TRAPPC5: variants seen among roughly 807,000 people sequenced by gnomAD.
The protein encoded by TRAPPC5 is trafficking protein particle complex subunit 5, also known as trafficking protein particle complex 5.
A neutral mutation model predicts 9.8 loss-of-function variants in TRAPPC5; 5 were observed. The ratio of observed to expected loss-of-function variants is 0.51; its 90% CI spans 0.27 to 1.07. TRAPPC5 has a LOEUF of 1.07. TRAPPC5 is among the 50% of genes least tolerant of loss of function. TRAPPC5 has a pLI of 0.12. For missense variants in TRAPPC5, 243 were observed against 291.5 expected, an observed-to-expected ratio of 0.83 and a Z score of 1.21; for synonymous variants, 146 against 140.7, an observed-to-expected ratio of 1.04 and a Z score of -0.26.
chr19:7,682,660 C>T lies in TRAPPC5; in HGVS notation c.407C>T (p.Thr136Met), dbSNP rs766481656. The T allele has an allele frequency of 3.1e-6, 5 of 1,613,806 alleles. No homozygotes were observed. Among genetic ancestry groups the T allele is most frequent in the East Asian group, 4.5e-5 (2 of 44,890 alleles). ...ATCTCCGTGCCCAAGGAGAACAGCACGCTCAACTGCGCCAGCTTCACGGCG... is the reference window on the plus strand; with the variant it reads ...ATCTCCGTGCCCAAGGAGAACAGCATGCTCAACTGCGCCAGCTTCACGGCG... The part of the protein sequence containing the change: ...TYISVPKENS[T>M]LNCASFTAGI... The change falls in exon 2 of 2, where the codon ACG becomes ATG. Residue 136 changes from threonine to methionine, a missense_variant. Thr to Met is a moderately conservative substitution (Grantham distance 81). Around this residue, in one of 2 missense-constraint regions of TRAPPC5, gnomAD observed 154 missense variants for 215.8 expected, o/e 0.71. Transcript: ENST00000596148. This position sits in a 1 kb window ranked among gnomAD's most constrained non-coding sequence, Gnocchi z 8.6.
Position 7,687,294 on chromosome 19 carries a change from G to C in TRAPPC5, c.*4474G>C, listed in dbSNP as rs1639374686. ...AAAGGGAAGAGGTGCAATGACCCCA[G>C]TGTTGGCCTGAGCCACTGGTAGAGG... is the stretch of plus-strand genomic sequence containing the variant. On this transcript the variant is annotated 3_prime_UTR_variant, in exon 2 of 2. Coordinates refer to ENST00000596148, the MANE Select transcript of TRAPPC5 (RefSeq NM_001042462.2). The C allele has an allele frequency of 6.6e-6, 1 of 152,510 alleles. No individual in the cohort carries two copies. The highest frequency in any genetic ancestry group is 6.5e-5 in the Admixed American group (1 of 15,280). 9.4% of individuals were successfully genotyped at this position (152,510 alleles called of 1,614,324 possible). A position where few individuals can be genotyped will look rare whatever the true frequency, so the allele number is the denominator to read the frequency against.
chr19:7,682,128 A>T lies in TRAPPC5; in HGVS notation c.-12-114A>T. 1 of 847,694 alleles carries T rather than the reference A, an allele frequency of 1.2e-6. No individual in the cohort carries two copies. The highest frequency in any genetic ancestry group is 1.7e-6 in the Non-Finnish European group (1 of 597,938). 52.5% of individuals were successfully genotyped at this position (847,694 alleles called of 1,614,324 possible). A position where few individuals can be genotyped will look rare whatever the true frequency, so the allele number is the denominator to read the frequency against. On this transcript the variant is annotated intron_variant, in intron 1 of 1. Transcript: ENST00000596148. This position sits in a 1 kb window ranked among gnomAD's most constrained non-coding sequence, Gnocchi z 8.6. ...TGGGAAGTCGGCACTGGAGCACACA[A>T]CAGTGGCATGGGTCGAGGGTGTCCC...
In TRAPPC5 at chr19:7,682,906, T is replaced by C; in HGVS notation, c.*86T>C. ...GCGGCCTTAGATCCACTCAGTACCT[T>C]GAGCCACAGCCCTGCCCCAGGCTGG... On this transcript the variant is annotated 3_prime_UTR_variant, in exon 2 of 2. Transcript: ENST00000596148. This position sits in a 1 kb window ranked among gnomAD's most constrained non-coding sequence, Gnocchi z 8.6. The C allele has an allele frequency of 1.4e-6, 2 of 1,405,032 alleles. No homozygotes were observed. The highest frequency in any genetic ancestry group is 1.9e-6 in the Non-Finnish European group (2 of 1,043,310). The allele number at this position is 1,405,032 out of a possible 1,614,324, so 87.0% of individuals were successfully genotyped here.
In TRAPPC5 at chr19:7,682,332, A is replaced by G; in HGVS notation, c.79A>G (p.Ser27Gly). 1 of 1,543,232 alleles carries G rather than the reference A, an allele frequency of 6.5e-7. No homozygotes were observed. The highest frequency in any genetic ancestry group is 8.7e-7 in the Non-Finnish European group (1 of 1,148,480). The change falls in exon 2 of 2, where the codon AGC becomes GGC. Residue 27 changes from serine to glycine, a missense_variant. Physicochemically the swap from Ser to Gly is moderately conservative, Grantham distance 56 (BLOSUM62 0). Transcript: ENST00000596148. This position sits in a 1 kb window ranked among gnomAD's most constrained non-coding sequence, Gnocchi z 8.6. ...LARPRTEVSL[S>G]AFALLFSELV... ...GCGGCCGCGCACCGAGGTGAGCCTG[A>G]GCGCCTTCGCACTGCTGTTCTCCGA...
In TRAPPC5 at chr19:7,681,628, C is replaced by G. The variant is rs573154810; in HGVS notation, c.-12-614C>G. Among the ~76,000 whole-genome samples the G allele has an allele frequency of 1.4e-3, 214 of 152,012 alleles. No individual in the cohort carries two copies. Among genetic ancestry groups the G allele is most frequent in the African/African-American group, 4.9e-3 (204 of 41,462 alleles). ...CCCCTCCTGCCTGGCCCCACGGATC[C>G]CCCCTGTTAAAGCCCCCAACCCTCC... On this transcript the variant is annotated intron_variant, in intron 1 of 1. Coordinates refer to ENST00000596148, the MANE Select transcript of TRAPPC5 (RefSeq NM_001042462.2). This position sits in a 1 kb window ranked among gnomAD's most constrained non-coding sequence, Gnocchi z 8.7.
rs1457706747 is a variant in TRAPPC5 at position 7,681,252 on chromosome 19, C to T, written c.-13+374C>T. Reference sequence around the variant, plus strand: ...TCCCCGCTGGTTCTCCCACCTCCCACGCAGACCTCGTTGGGGTCGGCTTAG... The same window carrying T: ...TCCCCGCTGGTTCTCCCACCTCCCATGCAGACCTCGTTGGGGTCGGCTTAG... On this transcript the variant is annotated intron_variant, in intron 1 of 1. Transcript: ENST00000596148. The surrounding 1 kb of genome is among the most constrained non-coding windows in gnomAD (Gnocchi z 8.7). Among the ~76,000 whole-genome samples, 2 of 152,050 alleles carry T rather than the reference C, an allele frequency of 1.3e-5. No homozygotes were observed. Among genetic ancestry groups the T allele is most frequent in the Non-Finnish European group, 2.9e-5 (2 of 67,986 alleles).
rs928563315 is a variant in TRAPPC5, at chr19:7,680,895, C to G, written c.-13+17C>G. 2 of 152,238 alleles carry G rather than the reference C, an allele frequency of 1.3e-5. No homozygotes were observed. Among genetic ancestry groups the G allele is most frequent in the Admixed American group, 6.5e-5 (1 of 15,278 alleles). 9.4% of individuals were successfully genotyped at this position (152,238 alleles called of 1,614,324 possible). On this transcript the variant is annotated intron_variant, in intron 1 of 1. Coordinates refer to ENST00000596148, the MANE Select transcript of TRAPPC5 (RefSeq NM_001042462.2). ...CGGTTCCTGGTGAGACCCTACCCAC[C>G]CCCCTGCCCGCGCCGGGCCTCGTCC... is the stretch of plus-strand genomic sequence containing the variant.
rs1489780583 is a variant in TRAPPC5, at chr19:7,687,686, A to G, written c.*4866A>G. The G allele has an allele frequency of 6.6e-6, 1 of 151,910 alleles. No individual in the cohort carries two copies. The highest frequency in any genetic ancestry group is 2.4e-5 in the African/African-American group (1 of 41,326). 9.4% of individuals were successfully genotyped at this position (151,910 alleles called of 1,614,324 possible). ...TGTCATAGAGCAGGAAAAAATAAAA[A>G]CGGGAGATCGAATTCTACTTCAGTT... On this transcript the variant is annotated 3_prime_UTR_variant, in exon 2 of 2. Coordinates refer to ENST00000596148, the MANE Select transcript of TRAPPC5 (RefSeq NM_001042462.2).
Position 7,686,334 on chromosome 19 carries a change from C to T in TRAPPC5, c.*3514C>T, listed in dbSNP as rs1341554545. The T allele has an allele frequency of 6.6e-6, 1 of 152,342 alleles. No homozygotes were observed. The highest frequency in any genetic ancestry group is 2.4e-5 in the African/African-American group (1 of 41,388). The allele number at this position is 152,342 out of a possible 1,614,324, so 9.4% of individuals were successfully genotyped here. ...TCGGCAGCTTCTGATCACAGCAGCT[C>T]TAACTTACGGTGCTCTGGGCTGCAA... On this transcript the variant is annotated 3_prime_UTR_variant, in exon 2 of 2. Transcript: ENST00000596148.
rs946595700 is a variant in TRAPPC5 at position 7,683,459 on chromosome 19, A to G, written c.*639A>G. The G allele has an allele frequency of 6.6e-6, 1 of 152,228 alleles. No individual in the cohort carries two copies. Among genetic ancestry groups the G allele is most frequent in the Non-Finnish European group, 1.5e-5 (1 of 68,326 alleles). The allele number at this position is 152,228 out of a possible 1,614,324, so 9.4% of individuals were successfully genotyped here. ...GGTCTCGAACTCCTCATCTCAGGTGATCCGCCCACTTCAGCCTCCCAAAGT... is the reference window on the plus strand; with the variant it reads ...GGTCTCGAACTCCTCATCTCAGGTGGTCCGCCCACTTCAGCCTCCCAAAGT... On this transcript the variant is annotated 3_prime_UTR_variant, in exon 2 of 2. Coordinates refer to ENST00000596148, the MANE Select transcript of TRAPPC5 (RefSeq NM_001042462.2).
chr19:7,682,388 C>G lies in TRAPPC5; in HGVS notation c.135C>G (p.Phe45Leu). The G allele has an allele frequency of 6.4e-7, 1 of 1,574,382 alleles. No homozygotes were observed. Among genetic ancestry groups the G allele is most frequent in the East Asian group, 2.3e-5 (1 of 42,646 alleles). ...TACAGCACTGCCAGAGCCGCGTCTT[C>G]TCCGTGGCCGAGCTGCAGTCGCGCC... ...ELVQHCQSRVFSVAELQSRLA... is the reference protein window; with the variant it reads ...ELVQHCQSRVLSVAELQSRLA... Residue 45 changes from phenylalanine to leucine, a missense_variant, in exon 2 of 2, where the codon TTC becomes TTG. Phe to Leu is a conservative substitution (Grantham distance 22). Transcript: ENST00000596148. The surrounding 1 kb of genome is among the most constrained non-coding windows in gnomAD (Gnocchi z 8.6).
At position 7,681,162 on chromosome 19, in the gene TRAPPC5, G is replaced by A. The variant is rs2032629579; in HGVS notation, c.-13+284G>A. 1 of 152,370 alleles carries A rather than the reference G, an allele frequency of 6.6e-6. No individual in the cohort carries two copies. Among genetic ancestry groups the A allele is most frequent in the Non-Finnish European group, 1.5e-5 (1 of 68,216 alleles). 9.4% of individuals were successfully genotyped at this position (152,370 alleles called of 1,614,324 possible). A position where few individuals can be genotyped will look rare whatever the true frequency, so the allele number is the denominator to read the frequency against. On this transcript the variant is annotated intron_variant, in intron 1 of 1. Coordinates refer to ENST00000596148, the MANE Select transcript of TRAPPC5 (RefSeq NM_001042462.2). This position sits in a 1 kb window ranked among gnomAD's most constrained non-coding sequence, Gnocchi z 8.7. Reference sequence around the variant, plus strand: ...ATCCCTCTCCCATCTCGCGCGCCCAGGGCCCTCGCCACGGACGGATCTGCA... The same window carrying A: ...ATCCCTCTCCCATCTCGCGCGCCCAAGGCCCTCGCCACGGACGGATCTGCA...
At position 7,682,207 on chromosome 19, in the gene TRAPPC5, G is replaced by T; in HGVS notation, c.-12-35G>T. 1 of 1,367,276 alleles carries T rather than the reference G, an allele frequency of 7.3e-7. No individual in the cohort carries two copies. Among genetic ancestry groups the T allele is most frequent in the South Asian group, 1.7e-5 (1 of 59,004 alleles). The allele number at this position is 1,367,276 out of a possible 1,614,324, so 84.7% of individuals were successfully genotyped here. On this transcript the variant is annotated intron_variant, in intron 1 of 1. Coordinates refer to ENST00000596148, the MANE Select transcript of TRAPPC5 (RefSeq NM_001042462.2). This position sits in a 1 kb window ranked among gnomAD's most constrained non-coding sequence, Gnocchi z 8.6. ...CTCCCGGCCTGCTCCCCTTCCCATT[G>T]CCCCTGACACCTGCACTTCCTGGTC...
At position 7,683,087 on chromosome 19, in the gene TRAPPC5, G is replaced by A. The variant is rs2032672035; in HGVS notation, c.*267G>A. 5.8e-6 allele frequency: 3 copies of A among 516,872 alleles called. No homozygotes were observed. The South Asian group carries it at 7.6e-5, about 13-fold the overall frequency. The allele number at this position is 516,872 out of a possible 1,614,324, so 32.0% of individuals were successfully genotyped here. A position where few individuals can be genotyped will look rare whatever the true frequency, so the allele number is the denominator to read the frequency against. Reference sequence around the variant, plus strand: ...GGCAGGTTCTGGAATCACGGTTGGAGGCTGTCTGCAGGCTGGAGGGGGCAT... The same window carrying A: ...GGCAGGTTCTGGAATCACGGTTGGAAGCTGTCTGCAGGCTGGAGGGGGCAT... On this transcript the variant is annotated 3_prime_UTR_variant, in exon 2 of 2. Transcript: ENST00000596148.
Position 7,682,362 on chromosome 19 carries a change from G to A in TRAPPC5, c.109G>A (p.Val37Ile). 6.4e-7 allele frequency: 1 copy of A among 1,565,776 alleles called. No homozygotes were observed. Among genetic ancestry groups the A allele is most frequent in the Non-Finnish European group, 8.6e-7 (1 of 1,156,360 alleles). Residue 37 changes from valine (V) to isoleucine (I), a missense_variant, in exon 2 of 2, where the codon GTA (valine) becomes ATA (isoleucine). Coordinates refer to ENST00000596148, the MANE Select transcript of TRAPPC5 (RefSeq NM_001042462.2). This position sits in a 1 kb window ranked among gnomAD's most constrained non-coding sequence, Gnocchi z 8.6. ...SAFALLFSEL[V>I]QHCQSRVFSV... ...CTTCGCACTGCTGTTCTCCGAGCTG[G>A]TACAGCACTGCCAGAGCCGCGTCTT...
Position 7,682,408 on chromosome 19 carries a change from C to T in TRAPPC5, c.155C>T (p.Ser52Leu). The T allele has an allele frequency of 6.3e-7, 1 of 1,583,496 alleles. No homozygotes were observed. Among genetic ancestry groups the T allele is most frequent in the Non-Finnish European group, 8.6e-7 (1 of 1,165,802 alleles). The change falls in exon 2 of 2, where the codon TCG (serine) becomes TTG (leucine). Residue 52 changes from serine to leucine, a missense_variant. This residue lies in a region of TRAPPC5 where 154 missense variants were observed against 215.8 expected (regional missense o/e 0.71). Transcript: ENST00000596148. The surrounding 1 kb of genome is among the most constrained non-coding windows in gnomAD (Gnocchi z 8.6). Reference sequence around the variant, plus strand: ...GTCTTCTCCGTGGCCGAGCTGCAGTCGCGCCTGGCCGCGCTGGGCCGCCAG... The same window carrying T: ...GTCTTCTCCGTGGCCGAGCTGCAGTTGCGCCTGGCCGCGCTGGGCCGCCAG... Reference protein sequence around the residue: ...SRVFSVAELQSRLAALGRQVG... With the variant: ...SRVFSVAELQLRLAALGRQVG...
rs753408698 is a variant in TRAPPC5 at position 7,682,381 on chromosome 19, G to C, written c.128G>C (p.Arg43Pro). The C allele has an allele frequency of 6.4e-7, 1 of 1,570,580 alleles. No individual in the cohort carries two copies. Among genetic ancestry groups the C allele is most frequent in the Non-Finnish European group, 8.6e-7 (1 of 1,158,754 alleles). The part of the protein sequence containing the change: ...FSELVQHCQS[R>P]VFSVAELQSR... ...GAGCTGGTACAGCACTGCCAGAGCC[G>C]CGTCTTCTCCGTGGCCGAGCTGCAG... The change falls in exon 2 of 2, where the codon CGC becomes CCC. Residue 43 changes from arginine to proline, a missense_variant. Around this residue, in one of 2 missense-constraint regions of TRAPPC5, gnomAD observed 89 missense variants for 75.7 expected, o/e 1.18. Coordinates refer to ENST00000596148, the MANE Select transcript of TRAPPC5 (RefSeq NM_001042462.2). The surrounding 1 kb of genome is among the most constrained non-coding windows in gnomAD (Gnocchi z 8.6).
rs1426075348 is a variant in TRAPPC5, at chr19:7,681,296, TG to T, written c.-13+419del. On this transcript the variant is annotated intron_variant, in intron 1 of 1. Transcript: ENST00000596148. This position sits in a 1 kb window ranked among gnomAD's most constrained non-coding sequence, Gnocchi z 8.7. ...GGCTTAGCATCCACACACCTCCCCA[TG>T]CATGGTGGGGGCGGGTTCTCAGCTG... is the stretch of plus-strand genomic sequence containing the variant. 6.6e-6 allele frequency among the ~76,000 whole-genome samples: 1 copy of T among 151,238 alleles called. No homozygotes were observed. Among genetic ancestry groups the T allele is most frequent in the South Asian group, 2.1e-4 (1 of 4,798 alleles).
In TRAPPC5 at chr19:7,685,086, C is replaced by T. The variant is rs1226189210; in HGVS notation, c.*2266C>T. 6.6e-6 allele frequency: 1 copy of T among 152,082 alleles called. No homozygotes were observed. Among genetic ancestry groups the T allele is most frequent in the Non-Finnish European group, 1.5e-5 (1 of 68,030 alleles). 9.4% of individuals were successfully genotyped at this position (152,082 alleles called of 1,614,324 possible). A position where few individuals can be genotyped will look rare whatever the true frequency, so the allele number is the denominator to read the frequency against. ...GGAAGTTTGAGACCAACCTGGTCAA[C>T]ATGGCAAAACCCATCTTTACTAAAA... On this transcript the variant is annotated 3_prime_UTR_variant, in exon 2 of 2. Coordinates refer to ENST00000596148, the MANE Select transcript of TRAPPC5 (RefSeq NM_001042462.2).
Sources: gnomAD v4.1 joint callset for allele counts (sites outside exome capture counted in the v4.1 genomes callset) on GRCh38, gnomAD v4.1.1 for gene constraint, gnomAD v4.1.1 regional missense constraint, Gnocchi (gnomAD v3.1) non-coding constraint, MANE v1.5 for transcripts, NCBI Gene and HGNC (gene_info 2026-07-23, HGNC 2026-07-21) for gene names.